The following PLCB1 variants were observed in gnomAD, a reference collection of about 807,000 sequenced individuals.
PLCB1 encodes phospholipase C beta 1, also known as 1-phosphatidylinositol 4,5-bisphosphate phosphodiesterase beta-1.
PLCB1 carries 46 observed loss-of-function variants against 161.8 expected under a neutral mutation model. The observed-to-expected ratio is 0.28, with a 90% CI of 0.22 to 0.36. The LOEUF (loss-of-function observed/expected upper bound fraction) is 0.36, where lower values mean the gene tolerates loss of function less well. PLCB1 is among the 10% of genes least tolerant of loss of function. The pLI is 1.00. For missense variants in PLCB1, 1,016 were observed against 1,472.5 expected (o/e 0.69, Z 5.07); for synonymous variants, 517 against 503.7 (o/e 1.03, Z -0.35).
At chr20:8,733,784 TATAATAATAATAATAATAATA>T (rs199683575) in intron 19 of PLCB1, among the ~76,000 whole-genome samples, 65 of 139,308 alleles carry the variant, frequency 4.7e-4, no homozygotes, top group Admixed American at 4.1e-3. Flanking sequence ...AAACTTAAAG[TATAATAATAATAATAATAATA>T]ATAATAATAA....
intron 14 of PLCB1, among the ~76,000 whole-genome samples, chr20:8,719,658 C>T (rs1175663465): frequency 6.6e-6 from 1 of 152,126 alleles, no homozygotes; most frequent in Non-Finnish European, 1.5e-5. Flanking sequence ...GGAAGAAAAG[C>T]AACCAGCAGG....
intron 12 of PLCB1, among the ~76,000 whole-genome samples, chr20:8,712,271 G>T (rs1272204651): frequency 6.6e-6 from 1 of 151,936 alleles, no homozygotes; most frequent in Non-Finnish European, 1.5e-5. Context: ...CTCCAGCCTG[G>T]GTGACAGAGT....
At chr20:8,581,981 G>C (rs1254740001) in intron 3 of PLCB1, among the ~76,000 whole-genome samples, 1 of 152,174 alleles carries the variant, frequency 6.6e-6, no homozygotes, top group Non-Finnish European at 1.5e-5. Context: ...TACATTTGCT[G>C]AGTCATGCGA....
chr20:8,420,867 A>T (rs1230915768), intron 3 of PLCB1, among the ~76,000 whole-genome samples: 1 of 152,200 alleles, frequency 6.6e-6, no homozygotes, highest in Non-Finnish European at 1.5e-5. Context: ...AAATCAGAAG[A>T]GAAAATTTGC....
At position 8,562,066 on chromosome 20, in the gene PLCB1, G is replaced by T. The variant is rs189303659; in HGVS notation, c.247-66228G>T. Among the ~76,000 whole-genome samples, 444 of 152,070 alleles carry T rather than the reference G, an allele frequency of 2.9e-3. 2 individuals carry two copies. Among genetic ancestry groups the T allele is most frequent in the African/African-American group, 0.01 (429 of 41,518 alleles). On this transcript the variant is annotated intron_variant, in intron 3 of 31. Coordinates refer to ENST00000338037, the MANE Select transcript of PLCB1 (RefSeq NM_015192.4). ...AGATAGAGAAGAGCAAACGGTCTTC[G>T]CTAAGTGAACTCATAGCTTAGCCAA...
rs1207675064 is a variant in PLCB1 at position 8,456,690 on chromosome 20, T to C, written c.246+85240T>C. Among the ~76,000 whole-genome samples the C allele has an allele frequency of 2.0e-5, 3 of 152,330 alleles. No individual in the cohort carries two copies. In the East Asian group the frequency reaches 5.8e-4, roughly 29 times the overall value. On this transcript the variant is annotated intron_variant, in intron 3 of 31. Coordinates refer to ENST00000338037, the MANE Select transcript of PLCB1 (RefSeq NM_015192.4). ...AACAAAACACCATAAACTGGGTAGA[T>C]TTTTAACATCAGAAATTAATTTCTC...
At chr20:8,665,227 G>T (rs963114101) in intron 9 of PLCB1, among the ~76,000 whole-genome samples, 1 of 152,080 alleles carries the variant, frequency 6.6e-6, no homozygotes, top group Admixed American at 6.6e-5. Context: ...TCTTTGACTA[G>T]CCCTGCTCCC....
At chr20:8,574,983 G>A (rs765021160) in intron 3 of PLCB1, among the ~76,000 whole-genome samples, 1 of 152,196 alleles carries the variant, frequency 6.6e-6, no homozygotes, top group Non-Finnish European at 1.5e-5. Flanking sequence ...AGGGACAATA[G>A]TCGTTAAAAC....
At chr20:8,539,069 G>A (rs1251153509) in intron 3 of PLCB1, among the ~76,000 whole-genome samples, 2 of 152,156 alleles carry the variant, frequency 1.3e-5, no homozygotes, top group African/African-American at 4.8e-5. Flanking sequence ...TTACAGGCAT[G>A]AGCCACTGTG....
intron 31 of PLCB1, among the ~76,000 whole-genome samples, chr20:8,871,167 G>A (rs1987596610): frequency 6.6e-6 from 1 of 152,156 alleles, no homozygotes; most frequent in Admixed American, 6.6e-5. Flanking sequence ...TGTAATCTAT[G>A]GCTAATTCAT....
chr20:8,747,080 C>T (rs904361275), intron 23 of PLCB1, among the ~76,000 whole-genome samples: 5 of 152,226 alleles, frequency 3.3e-5, no homozygotes, highest in Non-Finnish European at 5.9e-5. Context: ...ATTCATCTTT[C>T]TGACCTCCAT....
chr20:8,657,254 G>A lies in PLCB1; in HGVS notation c.665G>A (p.Arg222Gln), dbSNP rs755135706. ...YRVFLNNLCP[R>Q]PEIDNIFSEF... ...GTTTTCCTCAACAACCTTTGCCCTC[G>A]ACCTGAAATTGATAACATCTTTTCA... The change falls in exon 8 of 32, where the codon CGA becomes CAA. Residue 222 changes from arginine (R) to glutamine (Q), a missense_variant. By Grantham distance (43) the Arg-to-Gln change is conservative. Transcript: ENST00000338037. The A allele has an allele frequency of 1.2e-5, 19 of 1,605,044 alleles. No individual in the cohort carries two copies. Among genetic ancestry groups the A allele is most frequent in the Non-Finnish European group, 1.4e-5 (16 of 1,172,258 alleles).
chr20:8,714,653 C>A (rs541093953), intron 12 of PLCB1, among the ~76,000 whole-genome samples: 1 of 152,304 alleles, frequency 6.6e-6, no homozygotes, highest in African/African-American at 2.4e-5. Context: ...ATTCTGATGG[C>A]CGCATAAGCC....
chr20:8,490,383 T>C (rs755855114), intron 3 of PLCB1, among the ~76,000 whole-genome samples: 11 of 152,196 alleles, frequency 7.2e-5, no homozygotes, highest in Non-Finnish European at 5.9e-5. Flanking sequence ...TACCAGTGTT[T>C]TGGGCTTGTT....
intron 2 of PLCB1, among the ~76,000 whole-genome samples, chr20:8,277,063 C>T (rs59490416): frequency 0.031 from 4,675 of 149,778 alleles, 213 homozygotes; most frequent in African/African-American, 0.098. Context: ...TGCAGTGGCA[C>T]GATCTCGGCT....
intron 2 of PLCB1, among the ~76,000 whole-genome samples, chr20:8,219,828 T>C (rs1325460406): frequency 2.0e-5 from 3 of 152,194 alleles, no homozygotes; most frequent in Non-Finnish European, 4.4e-5. Context: ...TAAAAACTTA[T>C]TTCTTCACAT....
chr20:8,342,617 T>C (rs1024382749), intron 2 of PLCB1, among the ~76,000 whole-genome samples: 33 of 152,300 alleles, frequency 2.2e-4, no homozygotes, highest in African/African-American at 7.9e-4. Context: ...GTTGATCTGT[T>C]ACTGGCAAGC....
chr20:8,505,351 A>G (rs1157629248), intron 3 of PLCB1, among the ~76,000 whole-genome samples: 1 of 152,154 alleles, frequency 6.6e-6, no homozygotes. Context: ...ATCTCAACCC[A>G]CTGTGACAAA....
intron 3 of PLCB1, among the ~76,000 whole-genome samples, chr20:8,483,073 C>T (rs1202199931): frequency 6.6e-6 from 1 of 152,136 alleles, no homozygotes; most frequent in African/African-American, 2.4e-5. Context: ...AAGGCCATAG[C>T]CCTGGTTAAT....
Sources: allele counts gnomAD v4.1 joint callset (sites outside exome capture counted in the v4.1 genomes callset), GRCh38; gene constraint gnomAD v4.1.1; transcripts MANE v1.5; gene names NCBI Gene and HGNC (gene_info 2026-07-23, HGNC 2026-07-21).